Variants in PTBP2 observed in about 807,000 individuals in gnomAD.
PTBP2 encodes the protein polypyrimidine tract binding protein 2, also known as polypyrimidine tract-binding protein 2.
PTBP2 carries 13 observed loss-of-function variants against 61.4 expected under a neutral mutation model. The ratio of observed to expected loss-of-function variants is 0.21; its 90% confidence interval spans 0.14 to 0.34. PTBP2 has a LOEUF of 0.34. Ranked by LOEUF, PTBP2 falls within the 10% of genes least tolerant of loss-of-function variation. PTBP2 has a pLI of 1.00. For synonymous variants in PTBP2, 215 were observed against 218.5 expected (o/e 0.98, Z 0.14); for missense variants, 405 against 642.6 (o/e 0.63, Z 4.00).
At chr1:96,760,440 CTTT>C (rs989047792) in intron 3 of PTBP2, among the ~76,000 whole-genome samples, 4 of 83,080 alleles carry the variant, frequency 4.8e-5, no homozygotes, top group South Asian at 4.4e-4. Flanking sequence ...AAATAGTTTG[CTTT>C]TTTTTTTTTT....
At chr1:96,741,145 A>T in intron 2 of PTBP2, among the ~76,000 whole-genome samples, 1 of 150,160 alleles carries the variant, frequency 6.7e-6, no homozygotes, top group Non-Finnish European at 1.5e-5. Flanking sequence ...TGTGGTTTTA[A>T]TTTGCATTCC....
chr1:96,760,882 C>CAA (rs1655761989), intron 3 of PTBP2, among the ~76,000 whole-genome samples: 1 of 152,078 alleles, frequency 6.6e-6, no homozygotes. Flanking sequence ...ATAATGGTCC[C>CAA]AAACTTGAAA....
chr1:96,789,110 CTGGAAGTAATT>C (rs1289573300), intron 8 of PTBP2, among the ~76,000 whole-genome samples: 1 of 151,876 alleles, frequency 6.6e-6, no homozygotes, highest in African/African-American at 2.4e-5. Flanking sequence ...AGAAAAATTG[CTGGAAGTAATT>C]TTTCATGATC....
intron 3 of PTBP2, among the ~76,000 whole-genome samples, chr1:96,764,593 C>T (rs1656437369): frequency 6.6e-6 from 1 of 152,164 alleles, no homozygotes; most frequent in Admixed American, 6.5e-5. Flanking sequence ...TCCATAGAGT[C>T]TGGAACATTT....
rs993773410 is a variant in PTBP2, at chr1:96,814,680, A to G, written c.*1275A>G. ...TCAAGATTCATAGATTCTGTTATCT[A>G]TGTAGACAGAATGGTCATGTATATT... On this transcript the variant is annotated 3_prime_UTR_variant, in exon 14 of 14. Coordinates refer to ENST00000674951, the MANE Select transcript of PTBP2 (RefSeq NM_021190.4). 1 of 152,524 alleles carries G rather than the reference A, an allele frequency of 6.6e-6. No homozygotes were observed. Among genetic ancestry groups the G allele is most frequent in the Non-Finnish European group, 1.5e-5 (1 of 67,962 alleles). 9.4% of individuals were successfully genotyped at this position (152,524 alleles called of 1,614,324 possible). A position where few individuals can be genotyped will look rare whatever the true frequency, so the allele number is the denominator to read the frequency against.
chr1:96,772,064 G>A (rs755331217), intron 5 of PTBP2, among the ~76,000 whole-genome samples: 20 of 151,952 alleles, frequency 1.3e-4, no homozygotes, highest in Non-Finnish European at 2.9e-5. Flanking sequence ...ACTGTCTGCC[G>A]GGAGATAGCA....
At chr1:96,774,111 A>G (rs1435428920) in intron 5 of PTBP2, among the ~76,000 whole-genome samples, 1 of 147,176 alleles carries the variant, frequency 6.8e-6, no homozygotes, top group Non-Finnish European at 1.5e-5. Context: ...AAAGCAAGAC[A>G]CAGTCTCTTA....
At chr1:96,763,446 C>T (rs1242784975) in intron 3 of PTBP2, among the ~76,000 whole-genome samples, 3 of 151,418 alleles carry the variant, frequency 2.0e-5, no homozygotes, top group African/African-American at 4.8e-5. Context: ...GGCGTGGCGG[C>T]GCGTGCCTGC....
At chr1:96,817,569 C>T (rs910022988), downstream of PTBP2, 1 of 151,864 alleles carries the variant, frequency 6.6e-6, no homozygotes, top group African/African-American at 2.4e-5. Context: ...AAAATAAAAC[C>T]GTAATGAACA....
rs184888518 is a variant in PTBP2 at position 96,764,205 on chromosome 1, A to G, written c.116-5498A>G. ...AAAGAAAAAAATAATTTTACAGGTG[A>G]AAAAATTTCATGTTATTAGAAACTT... is the stretch of plus-strand genomic sequence containing the variant. On this transcript the variant is annotated intron_variant, in intron 3 of 13. Coordinates refer to ENST00000674951, the MANE Select transcript of PTBP2 (RefSeq NM_021190.4). Among the ~76,000 whole-genome samples the G allele has an allele frequency of 1.6e-4, 25 of 152,348 alleles. 1 individual carries two copies. In the East Asian group the frequency reaches 3.9e-3, roughly 24 times the overall value.
At chr1:96,753,750 T>C (rs114746975) in intron 3 of PTBP2, among the ~76,000 whole-genome samples, 6,821 of 152,188 alleles carry the variant, frequency 0.045, 475 homozygotes, top group African/African-American at 0.15. Context: ...AAAGAAAGCA[T>C]GTAGAAATAT....
intron 2 of PTBP2, among the ~76,000 whole-genome samples, chr1:96,737,019 G>T (rs1011981672): frequency 2.7e-5 from 4 of 148,892 alleles, no homozygotes; most frequent in Admixed American, 1.3e-4. Flanking sequence ...TCCCTTTGTT[G>T]CCCAGGCTGG....
intron 3 of PTBP2, among the ~76,000 whole-genome samples, chr1:96,752,231 T>C (rs1416563417): frequency 1.3e-5 from 2 of 152,124 alleles, no homozygotes; most frequent in South Asian, 2.1e-4. Flanking sequence ...TTGATTATTA[T>C]TATTATCAAA....
At chr1:96,789,189 AG>A (rs1192236002) in intron 8 of PTBP2, among the ~76,000 whole-genome samples, 3 of 152,084 alleles carry the variant, frequency 2.0e-5, no homozygotes, top group Non-Finnish European at 4.4e-5. Context: ...TGTTTATTTT[AG>A]AGCTTTCCTT....
intron 8 of PTBP2, among the ~76,000 whole-genome samples, chr1:96,793,980 C>G (rs907177814): frequency 6.6e-6 from 1 of 152,110 alleles, no homozygotes; most frequent in African/African-American, 2.4e-5. Context: ...AAATGTTTTT[C>G]AAAGGTTTAA....
At chr1:96,727,305 G>A (rs762775248) in intron 2 of PTBP2, among the ~76,000 whole-genome samples, 2 of 152,028 alleles carry the variant, frequency 1.3e-5, no homozygotes, top group Non-Finnish European at 2.9e-5. Flanking sequence ...CAAGTCTTGA[G>A]GGACATTTGT....
chr1:96,762,068 A>G (rs572603561), intron 3 of PTBP2, among the ~76,000 whole-genome samples: 28 of 151,094 alleles, frequency 1.9e-4, no homozygotes, highest in African/African-American at 6.6e-4. Flanking sequence ...AAGGTCACAG[A>G]TCAACAGGAT....
chr1:96,740,800 TTTTC>T (rs1652901724), intron 2 of PTBP2, among the ~76,000 whole-genome samples: 2 of 151,938 alleles, frequency 1.3e-5, no homozygotes, highest in Non-Finnish European at 2.9e-5. Flanking sequence ...TATATATATA[TTTTC>T]ATTGCCATAT....
exon 14 of PTBP2, chr1:96,823,635 T>C (rs1662753117): frequency 6.6e-6 from 1 of 152,170 alleles, no homozygotes. Flanking sequence ...AAGAAACAGA[T>C]TAATGATTGA....
Sources: allele counts gnomAD v4.1 joint callset (sites outside exome capture counted in the v4.1 genomes callset), GRCh38; gene constraint gnomAD v4.1.1; transcripts MANE v1.5; gene names NCBI Gene and HGNC (gene_info 2026-07-23, HGNC 2026-07-21).